Variants in CDYL2 observed in about 807,000 individuals in gnomAD.
The protein encoded by CDYL2 is chromodomain Y like 2.
Under a neutral mutation model 49.4 loss-of-function variants are expected in CDYL2, and 23 were observed. The observed-to-expected ratio is 0.47, with a 90% CI of 0.34 to 0.66. The LOEUF (loss-of-function observed/expected upper bound fraction) is 0.66, where lower values mean the gene tolerates loss of function less well. Among genes scored for constraint, CDYL2 ranks in the 30% least tolerant of loss-of-function variants. The probability of loss-of-function intolerance (pLI) is 0.01; values close to 1 mark genes in which losing one functional copy is unlikely to be tolerated. For synonymous variants in CDYL2, 360 were observed against 268.8 expected, an observed-to-expected ratio of 1.34 and a Z score of -3.32; for missense variants, 678 against 656.4, an observed-to-expected ratio of 1.03 and a Z score of -0.36.
At chr16:80,632,356 G>C (rs937200466) in intron 3 of CDYL2, among the ~76,000 whole-genome samples, 3 of 152,170 alleles carry the variant, frequency 2.0e-5, no homozygotes, top group Non-Finnish European at 2.9e-5. Flanking sequence ...AAACTGTCCG[G>C]AATAGGCAAA....
At chr16:80,617,342 T>A (rs1906876754) in intron 4 of CDYL2, among the ~76,000 whole-genome samples, 1 of 152,196 alleles carries the variant, frequency 6.6e-6, no homozygotes, top group Non-Finnish European at 1.5e-5. Flanking sequence ...CAGTTCTATG[T>A]CCAAACAACG....
intron 1 of CDYL2, among the ~76,000 whole-genome samples, chr16:80,800,311 G>A (rs778683564): frequency 1.3e-5 from 2 of 152,104 alleles, no homozygotes; most frequent in African/African-American, 2.4e-5. Flanking sequence ...CAATAAAATC[G>A]TCTCTCTTAG....
intron 4 of CDYL2, among the ~76,000 whole-genome samples, chr16:80,615,558 G>A (rs1906791841): frequency 6.6e-6 from 1 of 152,044 alleles, no homozygotes; most frequent in African/African-American, 2.4e-5. Flanking sequence ...CCCTGCTGTG[G>A]GTCTCCTGTA....
chr16:80,657,491 G>A (rs1908861271), intron 2 of CDYL2, among the ~76,000 whole-genome samples: 1 of 152,044 alleles, frequency 6.6e-6, no homozygotes, highest in Admixed American at 6.6e-5. Flanking sequence ...ACAATCCACA[G>A]CATTACACAA....
intron 1 of CDYL2, among the ~76,000 whole-genome samples, chr16:80,764,627 T>C (rs2142386929): frequency 6.6e-6 from 1 of 152,252 alleles, no homozygotes; most frequent in Admixed American, 6.5e-5. Flanking sequence ...GGTATGTTAA[T>C]AAACTGTCAT....
intron 2 of CDYL2, among the ~76,000 whole-genome samples, chr16:80,653,863 T>C (rs1039584781): frequency 2.6e-5 from 4 of 152,086 alleles, no homozygotes; most frequent in African/African-American, 4.8e-5. Flanking sequence ...CATGGGAGGA[T>C]TGTGAAAAAT....
At chr16:80,637,446 A>G (rs1265818651) in intron 2 of CDYL2, among the ~76,000 whole-genome samples, 1 of 152,216 alleles carries the variant, frequency 6.6e-6, no homozygotes, top group East Asian at 1.9e-4. Context: ...AAGTTTGGGA[A>G]GAAATAAATA....
intron 1 of CDYL2, among the ~76,000 whole-genome samples, chr16:80,726,968 C>T (rs777731363): frequency 2.0e-5 from 3 of 152,146 alleles, no homozygotes; most frequent in Non-Finnish European, 2.9e-5. Flanking sequence ...TGCCTATAGT[C>T]CCAGCTACCC....
At chr16:80,676,492 C>G (rs766913018) in intron 2 of CDYL2, among the ~76,000 whole-genome samples, 1 of 152,120 alleles carries the variant, frequency 6.6e-6, no homozygotes, top group African/African-American at 2.4e-5. Context: ...ACAGTCAGAG[C>G]CTTCCTGAAC....
upstream of CDYL2, among the ~76,000 whole-genome samples, chr16:80,804,711 C>T (rs1236967086): frequency 6.7e-6 from 1 of 148,660 alleles, no homozygotes; most frequent in East Asian, 2.0e-4. Flanking sequence ...GCGCTCGGGC[C>T]CGCCCCGCCA....
chr16:80,799,162 A>G (rs1414865546), intron 1 of CDYL2, among the ~76,000 whole-genome samples: 1 of 152,146 alleles, frequency 6.6e-6, no homozygotes, highest in Non-Finnish European at 1.5e-5. Context: ...AACTACCCCC[A>G]AAAGCTAACA....
intron 1 of CDYL2, among the ~76,000 whole-genome samples, chr16:80,786,886 CAGGGA>C (rs1907453658): frequency 6.6e-6 from 1 of 151,220 alleles, no homozygotes; most frequent in Non-Finnish European, 1.5e-5. Flanking sequence ...CACATGAAAA[CAGGGA>C]AGGGAACATC....
intron 1 of CDYL2, among the ~76,000 whole-genome samples, chr16:80,716,397 AGTGG>A (rs1419829176): frequency 2.6e-5 from 4 of 152,274 alleles, no homozygotes; most frequent in Admixed American, 1.3e-4. Context: ...TAGATGAATG[AGTGG>A]GTGGGTGGAT....
At chr16:80,694,272 C>T (rs13334352) in intron 1 of CDYL2, among the ~76,000 whole-genome samples, 8,778 of 152,294 alleles carry the variant, frequency 0.058, 443 homozygotes, top group African/African-American at 0.14. Context: ...GGTAATGCTC[C>T]CTTACCCACC....
chr16:80,680,769 G>A (rs1597169227), intron 2 of CDYL2, among the ~76,000 whole-genome samples: 2 of 152,060 alleles, frequency 1.3e-5, no homozygotes, highest in South Asian at 2.1e-4. Context: ...CATCTCTTAC[G>A]ACCAAACACA....
chr16:80,744,181 G>C (rs906844658), intron 1 of CDYL2, among the ~76,000 whole-genome samples: 3 of 152,194 alleles, frequency 2.0e-5, no homozygotes, highest in Non-Finnish European at 4.4e-5. Context: ...AGATCAGTGT[G>C]ATTCTAAGTC....
At chr16:80,725,599 C>T (rs1905138308) in intron 1 of CDYL2, among the ~76,000 whole-genome samples, 1 of 152,192 alleles carries the variant, frequency 6.6e-6, no homozygotes, top group Admixed American at 6.5e-5. Context: ...ACTTTCATGT[C>T]CAAGAACTGT....
chr16:80,604,351 C>A lies in CDYL2; in HGVS notation c.*37G>T, dbSNP rs1197694288. 8 of 1,612,454 alleles carry A rather than the reference C, an allele frequency of 5.0e-6. No individual in the cohort carries two copies. Among genetic ancestry groups the A allele is most frequent in the Non-Finnish European group, 6.8e-6 (8 of 1,179,370 alleles). On this transcript the variant is annotated 3_prime_UTR_variant, in exon 7 of 7. Transcript: ENST00000570137. ...GTGCTCTGGTTTCCGAAACACAGGG[C>A]AGAGCTGGAAGTTGGGGGCCCGTGA...
intron 1 of CDYL2, among the ~76,000 whole-genome samples, chr16:80,795,377 T>C (rs967199255): frequency 2.7e-4 from 41 of 152,132 alleles, no homozygotes; most frequent in Admixed American, 2.6e-4. Context: ...GCGGTGGCCT[T>C]TATAAGAGAA....
Sources: allele counts gnomAD v4.1 joint callset (sites outside exome capture counted in the v4.1 genomes callset), GRCh38; gene constraint gnomAD v4.1.1; transcripts MANE v1.5; gene names NCBI Gene and HGNC (gene_info 2026-07-23, HGNC 2026-07-21).